Variants in ZPBP observed in about 807,000 individuals in gnomAD.
The protein encoded by ZPBP is zona pellucida-binding protein 1.
ZPBP carries 26 observed loss-of-function variants against 44.8 expected under a neutral mutation model. The ratio of observed to expected loss-of-function variants is 0.58; its 90% CI spans 0.43 to 0.81. The LOEUF is 0.81. ZPBP is among the 30% of genes least tolerant of loss of function. The probability of loss-of-function intolerance (pLI) is 0.00; values close to 1 mark genes in which losing one functional copy is unlikely to be tolerated. For synonymous variants in ZPBP, 174 were observed against 153.2 expected (o/e 1.14, Z -1.00); for missense variants, 409 against 434.0 (o/e 0.94, Z 0.51).
chr7:49,924,562 G>A (rs1378593710), intron 1 of ZPBP, among the ~76,000 whole-genome samples: 2 of 152,050 alleles, frequency 1.3e-5, no homozygotes, highest in Non-Finnish European at 2.9e-5. Context: ...GGGTGAGGTG[G>A]TACACACCTG....
intron 3 of ZPBP, among the ~76,000 whole-genome samples, chr7:50,072,597 G>C (rs1264568777): frequency 1.3e-5 from 2 of 152,192 alleles, no homozygotes; most frequent in Non-Finnish European, 2.9e-5. Context: ...GGATGCTATT[G>C]TCACTCAACC....
chr7:49,921,499 A>G (rs536815521), intron 1 of ZPBP: 2 of 152,294 alleles, frequency 1.3e-5, no homozygotes, highest in African/African-American at 4.8e-5. Flanking sequence ...CTTACTGGTT[A>G]TTTATCAGGT....
At chr7:50,048,566 AAC>A (rs1447707775) in intron 4 of ZPBP, among the ~76,000 whole-genome samples, 1 of 152,140 alleles carries the variant, frequency 6.6e-6, no homozygotes, top group Non-Finnish European at 1.5e-5. Context: ...AATGAAAATT[AAC>A]AGACTCCTAA....
intron 2 of ZPBP, among the ~76,000 whole-genome samples, chr7:49,874,538 A>G (rs190729708): frequency 1.1e-4 from 13 of 117,340 alleles, no homozygotes; most frequent in Admixed American, 1.1e-3. Context: ...TACATGACGC[A>G]TGACTATATA....
At chr7:50,053,111 AAG>A (rs1800770203) in intron 4 of ZPBP, among the ~76,000 whole-genome samples, 1 of 152,164 alleles carries the variant, frequency 6.6e-6, no homozygotes, top group Admixed American at 6.5e-5. Flanking sequence ...AAATATGAAT[AAG>A]ATCATATTTT....
intron 6 of ZPBP, among the ~76,000 whole-genome samples, chr7:49,987,270 A>C (rs576249833): frequency 9.2e-5 from 14 of 152,324 alleles, no homozygotes; most frequent in African/African-American, 3.4e-4. Flanking sequence ...GTGGATATCC[A>C]AGTTATAAGT....
At chr7:50,093,022 G>A (rs1257607341) in intron 1 of ZPBP, 46 bp downstream of exon 1, 3 of 1,574,992 alleles carry the variant, frequency 1.9e-6, no homozygotes, top group East Asian at 2.3e-5. Context: ...AGTGGGGGAA[G>A]CTGCGGTTGT....
At chr7:50,052,170 T>C (rs1317675932) in intron 4 of ZPBP, among the ~76,000 whole-genome samples, 2 of 152,010 alleles carry the variant, frequency 1.3e-5, no homozygotes, top group Non-Finnish European at 2.9e-5. Flanking sequence ...TGGTAGAAAA[T>C]ACTTGCAAAT....
rs141958102 is a variant in ZPBP at position 50,077,672 on chromosome 7, T to C, written c.334+4102A>G. Reference sequence around the variant, plus strand: ...TCAACATCACTAATCGTCAAAGAAATGCAAATCAAAACTACAAGAGGTATC... The same window carrying C: ...TCAACATCACTAATCGTCAAAGAAACGCAAATCAAAACTACAAGAGGTATC... On this transcript the variant is annotated intron_variant, in intron 3 of 7. Transcript: ENST00000046087. Among the ~76,000 whole-genome samples, 693 of 151,874 alleles carry C rather than the reference T, an allele frequency of 4.6e-3. 2 individuals carry two copies. The highest frequency in any genetic ancestry group is 0.016 in the African/African-American group (674 of 41,476).
intron 2 of ZPBP, among the ~76,000 whole-genome samples, chr7:50,085,165 A>C (rs1802572715): frequency 6.6e-6 from 1 of 152,132 alleles, no homozygotes; most frequent in African/African-American, 2.4e-5. Flanking sequence ...ACACAGACAA[A>C]TACAGAGGGA....
chr7:49,842,146 G>A, the ZPBP span, among the ~76,000 whole-genome samples: 3 of 152,160 alleles, frequency 2.0e-5, no homozygotes, highest in Non-Finnish European at 1.5e-5. Flanking sequence ...GGGATTAGAT[G>A]TGTGAGCCAC....
chr7:49,927,616 C>G (rs1794290064), intron 1 of ZPBP, among the ~76,000 whole-genome samples: 1 of 152,148 alleles, frequency 6.6e-6, no homozygotes, highest in Admixed American at 6.5e-5. Flanking sequence ...CTATTAGTTG[C>G]TGATTCAGAG....
chr7:49,877,933 T>C (rs1791512600), intron 2 of ZPBP, among the ~76,000 whole-genome samples: 1 of 152,058 alleles, frequency 6.6e-6, no homozygotes, highest in South Asian at 2.1e-4. Context: ...AAAACATAGG[T>C]TCTGTCATTT....
At chr7:49,957,503 C>T (rs1229393236) in intron 7 of ZPBP, among the ~76,000 whole-genome samples, 1 of 152,096 alleles carries the variant, frequency 6.6e-6, no homozygotes, top group Non-Finnish European at 1.5e-5. Context: ...CCTCAGTCAC[C>T]CAGGTGTTGC....
chr7:49,956,639 A>AC (rs1170636045), intron 7 of ZPBP, among the ~76,000 whole-genome samples: 1 of 152,054 alleles, frequency 6.6e-6, no homozygotes, highest in Non-Finnish European at 1.5e-5. Context: ...GAAATAAAAG[A>AC]CCTAAAAAAA....
chr7:50,010,983 G>A (rs1798547251), intron 6 of ZPBP, among the ~76,000 whole-genome samples: 3 of 148,068 alleles, frequency 2.0e-5, no homozygotes, highest in African/African-American at 2.5e-5. Flanking sequence ...AACTACAGTT[G>A]CCAAAACAGC....
intron 7 of ZPBP, among the ~76,000 whole-genome samples, chr7:49,961,800 G>A (rs1029765900): frequency 6.6e-6 from 1 of 152,020 alleles, no homozygotes; most frequent in Non-Finnish European, 1.5e-5. Flanking sequence ...AATTGTTGAG[G>A]ACTTCATAGG....
At chr7:49,995,263 T>C (rs916592372) in intron 6 of ZPBP, among the ~76,000 whole-genome samples, 1 of 152,176 alleles carries the variant, frequency 6.6e-6, no homozygotes, top group African/African-American at 2.4e-5. Flanking sequence ...AATTATGACA[T>C]AGAGCTGGGG....
At chr7:49,907,727 C>G (rs1793182536) in intron 1 of ZPBP, among the ~76,000 whole-genome samples, 1 of 152,112 alleles carries the variant, frequency 6.6e-6, no homozygotes, top group South Asian at 2.1e-4. Flanking sequence ...CAACTAAAAA[C>G]TGAGGGTGGA....
Sources: gnomAD v4.1 joint callset for allele counts (sites outside exome capture counted in the v4.1 genomes callset) on GRCh38, gnomAD v4.1.1 for gene constraint, MANE v1.5 for transcripts, NCBI Gene and HGNC (gene_info 2026-07-23, HGNC 2026-07-21) for gene names.